The following CFAP299 variants were observed in gnomAD, a reference collection of about 807,000 sequenced individuals.
The protein encoded by CFAP299 is cilia- and flagella-associated protein 299.
Under a neutral mutation model 27.0 loss-of-function variants are expected in CFAP299, and 21 were observed. The observed-to-expected ratio is 0.78, with a 90% CI of 0.55 to 1.12. The LOEUF (loss-of-function observed/expected upper bound fraction) is 1.12. Ranked by LOEUF, CFAP299 falls within the 50% of genes most tolerant of loss-of-function variation. CFAP299 has a pLI of 0.00. For synonymous variants in CFAP299, 104 were observed against 98.1 expected (o/e 1.06, Z -0.36); for missense variants, 310 against 276.6 (o/e 1.12, Z -0.86).
chr4:80,591,428 A>T (rs1030784945), intron 3 of CFAP299, among the ~76,000 whole-genome samples: 1 of 152,210 alleles, frequency 6.6e-6, no homozygotes, highest in Non-Finnish European at 1.5e-5. Context: ...TATATCTAGT[A>T]ACTTGTTTAC....
chr4:80,615,957 T>C (rs1738250010), intron 3 of CFAP299, among the ~76,000 whole-genome samples: 1 of 152,198 alleles, frequency 6.6e-6, no homozygotes, highest in Non-Finnish European at 1.5e-5. Context: ...CTTCAGCTTT[T>C]AGGAATAGGT....
rs150277615 is a variant in CFAP299, at chr4:80,694,325, C to T, written c.333+111142C>T. ...CTAAAGAAAAGCAAAAGCTCAACACCCATGCCACCTGACTGAGAGTGGAGT... is the reference window on the plus strand; with the variant it reads ...CTAAAGAAAAGCAAAAGCTCAACACTCATGCCACCTGACTGAGAGTGGAGT... On this transcript the variant is annotated intron_variant, in intron 3 of 5. Transcript: ENST00000358105. 2.4e-3 allele frequency among the ~76,000 whole-genome samples: 364 copies of T among 152,276 alleles called. 1 individual carries two copies. Among genetic ancestry groups the T allele is most frequent in the African/African-American group, 8.3e-3 (346 of 41,560 alleles).
At chr4:80,576,214 A>C (rs1344524921) in intron 2 of CFAP299, among the ~76,000 whole-genome samples, 1 of 149,274 alleles carries the variant, frequency 6.7e-6, no homozygotes, top group Non-Finnish European at 1.5e-5. Context: ...ATATATATAT[A>C]TATAAAATCT....
At chr4:80,916,267 A>ATG (rs1735750309) in intron 4 of CFAP299, among the ~76,000 whole-genome samples, 1 of 91,662 alleles carries the variant, frequency 1.1e-5, no homozygotes, top group Non-Finnish European at 1.9e-5. Flanking sequence ...ATATATATAT[A>ATG]TATATATATA....
At chr4:80,330,592 C>G in the CFAP299 span, among the ~76,000 whole-genome samples, 1 of 152,150 alleles carries the variant, frequency 6.6e-6, no homozygotes, top group Non-Finnish European at 1.5e-5. Context: ...ATATTCAGCA[C>G]AAAGGCCATG....
At chr4:80,872,007 C>T (rs555095989) in intron 4 of CFAP299, 3 of 150,080 alleles carry the variant, frequency 2.0e-5, no homozygotes, top group South Asian at 4.2e-4. Context: ...TTATCTTCTA[C>T]GCTATTGATT....
intron 2 of CFAP299, among the ~76,000 whole-genome samples, chr4:80,553,925 C>T (rs1046482517): frequency 6.6e-6 from 1 of 152,088 alleles, no homozygotes; most frequent in Non-Finnish European, 1.5e-5. Flanking sequence ...CACATATTTT[C>T]TCTCTTTCTG....
chr4:80,329,841 T>C, the CFAP299 span, among the ~76,000 whole-genome samples: 3 of 152,192 alleles, frequency 2.0e-5, no homozygotes, highest in East Asian at 5.8e-4. Flanking sequence ...TTAGGAATTC[T>C]ATAGAGATTA....
chr4:80,531,060 T>A (rs1395067422), intron 2 of CFAP299, among the ~76,000 whole-genome samples: 2 of 152,178 alleles, frequency 1.3e-5, no homozygotes, highest in Non-Finnish European at 2.9e-5. Flanking sequence ...AGTGTGGCTA[T>A]GGCTACTGTG....
At chr4:80,674,442 G>A (rs938953612) in intron 3 of CFAP299, among the ~76,000 whole-genome samples, 1 of 152,018 alleles carries the variant, frequency 6.6e-6, no homozygotes, top group African/African-American at 2.4e-5. Flanking sequence ...TTTCTCTCTG[G>A]CTGCCCTTAA....
chr4:80,540,440 A>G (rs946110528), intron 2 of CFAP299, among the ~76,000 whole-genome samples: 2 of 152,238 alleles, frequency 1.3e-5, no homozygotes, highest in Non-Finnish European at 2.9e-5. Flanking sequence ...ACATTAATTC[A>G]TTACCCCAAA....
At chr4:80,783,906 C>T (rs1162853726) in intron 3 of CFAP299, among the ~76,000 whole-genome samples, 1 of 151,684 alleles carries the variant, frequency 6.6e-6, no homozygotes, top group Non-Finnish European at 1.5e-5. Flanking sequence ...CTCCTCTCCA[C>T]CCCCACCCCT....
At chr4:80,889,342 A>T (rs1204676706) in intron 4 of CFAP299, among the ~76,000 whole-genome samples, 1 of 152,034 alleles carries the variant, frequency 6.6e-6, no homozygotes, top group Non-Finnish European at 1.5e-5. Flanking sequence ...AGTGGCTACT[A>T]TGAGCAAATA....
At chr4:80,341,115 C>A (rs1475596972) in intron 1 of CFAP299, among the ~76,000 whole-genome samples, 3 of 152,174 alleles carry the variant, frequency 2.0e-5, no homozygotes, top group Non-Finnish European at 4.4e-5. Flanking sequence ...CCATTCCTTC[C>A]CACTGGGCAG....
chr4:80,612,169 T>C (rs950580794), intron 3 of CFAP299, among the ~76,000 whole-genome samples: 1 of 152,072 alleles, frequency 6.6e-6, no homozygotes, highest in African/African-American at 2.4e-5. Flanking sequence ...TTTTATTTTT[T>C]CCAGAACACA....
intron 1 of CFAP299, among the ~76,000 whole-genome samples, chr4:80,344,737 C>G (rs1477670498): frequency 6.6e-6 from 1 of 152,108 alleles, no homozygotes; most frequent in Non-Finnish European, 1.5e-5. Context: ...AATCCAAAAT[C>G]CTCAATAAAA....
chr4:80,887,743 CTAAT>C (rs1169558029), intron 4 of CFAP299, among the ~76,000 whole-genome samples: 8 of 151,960 alleles, frequency 5.3e-5, no homozygotes, highest in African/African-American at 1.9e-4. Context: ...AAATTATGAA[CTAAT>C]TAACCATGAA....
At chr4:80,322,196 T>G in the CFAP299 span, among the ~76,000 whole-genome samples, 1 of 152,230 alleles carries the variant, frequency 6.6e-6, no homozygotes, top group Non-Finnish European at 1.5e-5. Flanking sequence ...AGGTTCCCAT[T>G]TATACACCTG....
At chr4:80,792,974 A>T (rs1366138994) in intron 3 of CFAP299, among the ~76,000 whole-genome samples, 1 of 152,088 alleles carries the variant, frequency 6.6e-6, no homozygotes, top group East Asian at 1.9e-4. Context: ...TTGTGCAACA[A>T]TGGAAACAAT....
Sources: gnomAD v4.1 joint callset for allele counts (sites outside exome capture counted in the v4.1 genomes callset) on GRCh38, gnomAD v4.1.1 for gene constraint, MANE v1.5 for transcripts, NCBI Gene and HGNC (gene_info 2026-07-23, HGNC 2026-07-21) for gene names.